The following ASTN1 variants were observed in gnomAD, a reference collection of about 807,000 sequenced individuals.
ASTN1 encodes astrotactin 1.
Under a neutral mutation model 140.7 loss-of-function variants are expected in ASTN1, and 41 were observed. The ratio of observed to expected loss-of-function variants is 0.29; its 90% confidence interval spans 0.23 to 0.38. The LOEUF (loss-of-function observed/expected upper bound fraction) is 0.38. ASTN1 is among the 10% of genes least tolerant of loss of function. The probability of loss-of-function intolerance (pLI) is 1.00; values close to 1 mark genes in which losing one functional copy is unlikely to be tolerated. For missense variants in ASTN1, 1,479 were observed against 1,678.8 expected (o/e 0.88, Z 2.08); for synonymous variants, 640 against 652.2 (o/e 0.98, Z 0.29).
chr1:176,949,000 A>C (rs4652208), intron 12 of ASTN1, among the ~76,000 whole-genome samples, 185 bp downstream of exon 12: 83,404 of 151,944 alleles, frequency 0.55, 23,757 homozygotes, highest in African/African-American at 0.7. Flanking sequence ...TAGGTCCCAC[A>C]CAACTTTAAA....
intron 11 of ASTN1, among the ~76,000 whole-genome samples, chr1:176,956,687 G>A (rs1672419844): frequency 6.6e-6 from 1 of 152,042 alleles, no homozygotes; most frequent in Admixed American, 6.6e-5. Context: ...CTCCTCTCTT[G>A]AGGACTACAT....
chr1:177,054,596 A>C (rs1677707130), intron 2 of ASTN1, among the ~76,000 whole-genome samples: 2 of 152,200 alleles, frequency 1.3e-5, no homozygotes, highest in African/African-American at 4.8e-5. Flanking sequence ...CTGATATGAA[A>C]GCTTTGAACA....
chr1:176,875,247 C>T (rs959572346), intron 21 of ASTN1, among the ~76,000 whole-genome samples: 8 of 151,994 alleles, frequency 5.3e-5, no homozygotes, highest in South Asian at 2.1e-4. Context: ...AGAATGAAAA[C>T]GGTTTTGGAA....
chr1:176,876,927 C>A (rs1396929883), intron 20 of ASTN1, among the ~76,000 whole-genome samples: 3 of 152,182 alleles, frequency 2.0e-5, no homozygotes, highest in Admixed American at 6.5e-5. Context: ...CCCAGACCAG[C>A]AGGACCAGCA....
intron 2 of ASTN1, among the ~76,000 whole-genome samples, chr1:177,050,194 A>G (rs748988648): frequency 3.9e-5 from 6 of 152,218 alleles, no homozygotes; most frequent in Non-Finnish European, 8.8e-5. Context: ...AGATGCAGAC[A>G]TGGAGGAAAT....
At chr1:177,102,440 A>G (rs1322635529) in intron 1 of ASTN1, among the ~76,000 whole-genome samples, 1 of 152,092 alleles carries the variant, frequency 6.6e-6, no homozygotes, top group African/African-American at 2.4e-5. Context: ...TCCATCACAC[A>G]CCTTCCTACT....
At chr1:176,912,925 A>G (rs1670311617) in intron 16 of ASTN1, among the ~76,000 whole-genome samples, 1 of 152,144 alleles carries the variant, frequency 6.6e-6, no homozygotes, top group Non-Finnish European at 1.5e-5. Flanking sequence ...AGAATATAAT[A>G]TTCCCCCATA....
intron 8 of ASTN1, among the ~76,000 whole-genome samples, chr1:176,999,536 G>T (rs917565412): frequency 6.6e-6 from 1 of 152,196 alleles, no homozygotes; most frequent in African/African-American, 2.4e-5. Flanking sequence ...AAGAAGTTTT[G>T]AGTAAGGGGT....
intron 1 of ASTN1, among the ~76,000 whole-genome samples, chr1:177,156,965 G>C (rs895797854): frequency 2.0e-5 from 3 of 152,310 alleles, no homozygotes; most frequent in Middle Eastern, 3.4e-3. Flanking sequence ...TACCTGACTA[G>C]TATTCTTCAA....
intron 18 of ASTN1, among the ~76,000 whole-genome samples, chr1:176,887,612 G>A (rs1669082031): frequency 1.3e-5 from 2 of 152,086 alleles, no homozygotes; most frequent in Non-Finnish European, 2.9e-5. Flanking sequence ...TATTAAATGA[G>A]CAGTATCTAA....
In ASTN1 at chr1:176,943,923, G is replaced by C; in HGVS notation, c.2345C>G (p.Ser782Trp). 1 of 1,612,180 alleles carries C rather than the reference G, an allele frequency of 6.2e-7. No homozygotes were observed. The highest frequency in any genetic ancestry group is 8.5e-7 in the Non-Finnish European group (1 of 1,178,674). Residue 782 changes from serine to tryptophan, a missense_variant, in exon 14 of 23, where the codon TCG becomes TGG. Transcript: ENST00000361833. The stretch of plus-strand genomic sequence containing the variant: ...GAAGTCAGGGTCAGGGGTGGGCTCC[G>C]AGATCTCCTCTAGGCATTGATTCTC... ...PLENQCLEEISEPTPDPDFLT... is the reference protein window; with the variant it reads ...PLENQCLEEIWEPTPDPDFLT...
intron 16 of ASTN1, among the ~76,000 whole-genome samples, chr1:176,927,473 G>A (rs1207079796): frequency 2.0e-5 from 3 of 152,136 alleles, no homozygotes; most frequent in African/African-American, 4.8e-5. Flanking sequence ...GAAAAAAAAT[G>A]TACTGTGCTT....
At chr1:177,113,055 A>C (rs189380971) in intron 1 of ASTN1, among the ~76,000 whole-genome samples, 99 of 152,322 alleles carry the variant, frequency 6.5e-4, no homozygotes, top group African/African-American at 2.2e-3. Context: ...GCCGACCTGC[A>C]TGAGGTCAGC....
intron 16 of ASTN1, among the ~76,000 whole-genome samples, chr1:176,896,780 T>C (rs1405358362): frequency 6.6e-6 from 1 of 152,156 alleles, no homozygotes; most frequent in African/African-American, 2.4e-5. Context: ...TGCAAATCCT[T>C]ACAACCAGTG....
chr1:177,053,383 G>C (rs1421546621), intron 2 of ASTN1, among the ~76,000 whole-genome samples: 1 of 152,168 alleles, frequency 6.6e-6, no homozygotes, highest in African/African-American at 2.4e-5. Context: ...TCAGGAAAGA[G>C]AAAAACAGAT....
intron 1 of ASTN1, among the ~76,000 whole-genome samples, chr1:177,116,755 C>T (rs1463815020): frequency 6.6e-6 from 1 of 152,196 alleles, no homozygotes; most frequent in African/African-American, 2.4e-5. Context: ...CATCCTCAGT[C>T]AGAACACTCT....
chr1:177,124,634 G>T (rs1199456335), intron 1 of ASTN1, among the ~76,000 whole-genome samples: 1 of 152,032 alleles, frequency 6.6e-6, no homozygotes, highest in African/African-American at 2.4e-5. Flanking sequence ...CTGCCCAGAG[G>T]AACAAAGAAA....
intron 11 of ASTN1, among the ~76,000 whole-genome samples, chr1:176,956,705 C>T (rs1364185713): frequency 6.6e-6 from 1 of 152,150 alleles, no homozygotes; most frequent in East Asian, 1.9e-4. Flanking sequence ...CATCATTCTG[C>T]CTTCGAAGAA....
chr1:176,912,920 A>G (rs1670311374), intron 16 of ASTN1, among the ~76,000 whole-genome samples: 1 of 152,220 alleles, frequency 6.6e-6, no homozygotes, highest in African/African-American at 2.4e-5. Context: ...TTTTCAGAAT[A>G]TAATATTCCC....
Sources: gnomAD v4.1 joint callset for allele counts (sites outside exome capture counted in the v4.1 genomes callset) on GRCh38, gnomAD v4.1.1 for gene constraint, MANE v1.5 for transcripts, NCBI Gene and HGNC (gene_info 2026-07-23, HGNC 2026-07-21) for gene names.